PBX1: variants seen among roughly 807,000 people sequenced by gnomAD.
PBX1 encodes PBX homeobox 1.
PBX1 carries 6 observed loss-of-function variants against 53.4 expected under a neutral mutation model. That is an observed-to-expected ratio of 0.11 (90% CI 0.06 to 0.22). The LOEUF is 0.22. PBX1 is among the 10% of genes least tolerant of loss of function. PBX1 has a pLI of 1.00. For missense variants in PBX1, 251 were observed against 551.4 expected (o/e 0.46, Z 5.46); for synonymous variants, 204 against 212.3 (o/e 0.96, Z 0.34).
chr1:164,795,378 C>T (rs992111363), intron 3 of PBX1, among the ~76,000 whole-genome samples: 4 of 152,200 alleles, frequency 2.6e-5, no homozygotes, highest in African/African-American at 9.7e-5. Context: ...AGATTACTGG[C>T]ACCTAAGAGA....
At chr1:164,852,707 A>G (rs1671885438), downstream of PBX1, among the ~76,000 whole-genome samples, 1 of 152,234 alleles carries the variant, frequency 6.6e-6, no homozygotes, top group African/African-American at 2.4e-5. Context: ...TAAATGATAG[A>G]AACTAGATCA....
At chr1:164,594,411 C>T (rs933057061) in intron 2 of PBX1, among the ~76,000 whole-genome samples, 6 of 152,140 alleles carry the variant, frequency 3.9e-5, no homozygotes, top group African/African-American at 1.4e-4. Flanking sequence ...TCTCCTGCCT[C>T]AGCTTACCGA....
intron 3 of PBX1, among the ~76,000 whole-genome samples, chr1:164,798,661 G>A (rs757697349): frequency 2.0e-5 from 3 of 152,182 alleles, no homozygotes; most frequent in Non-Finnish European, 4.4e-5. Flanking sequence ...TAAGGAGGTG[G>A]GGAAATATGA....
chr1:164,816,765 T>G (rs1194870529), intron 6 of PBX1: 3 of 152,112 alleles, frequency 2.0e-5, no homozygotes, highest in Non-Finnish European at 4.4e-5. Context: ...AGAGATCCTA[T>G]TCTAGGTTTA....
chr1:164,750,717 T>C (rs1666165904), intron 2 of PBX1, among the ~76,000 whole-genome samples: 1 of 152,218 alleles, frequency 6.6e-6, no homozygotes, highest in Non-Finnish European at 1.5e-5. Flanking sequence ...CCATTTCTTA[T>C]GTTATATACT....
chr1:164,575,300 A>G (rs557502098), intron 2 of PBX1, among the ~76,000 whole-genome samples: 2 of 152,214 alleles, frequency 1.3e-5, no homozygotes, highest in Non-Finnish European at 2.9e-5. Flanking sequence ...TCTGTTTCCC[A>G]CCTGTCAGTG....
At chr1:164,580,368 T>C (rs1654524501) in intron 2 of PBX1, among the ~76,000 whole-genome samples, 1 of 152,180 alleles carries the variant, frequency 6.6e-6, no homozygotes, top group African/African-American at 2.4e-5. Flanking sequence ...AACCTCCGCC[T>C]CCCGGGTTCA....
chr1:164,689,632 TG>T (rs1385401855), intron 2 of PBX1, among the ~76,000 whole-genome samples: 1 of 152,224 alleles, frequency 6.6e-6, no homozygotes, highest in African/African-American at 2.4e-5. Flanking sequence ...CAGGAAATTC[TG>T]GGGCACATTT....
chr1:164,667,384 C>CAT (rs10669950), intron 2 of PBX1, among the ~76,000 whole-genome samples: 4,981 of 148,106 alleles, frequency 0.034, 120 homozygotes, highest in South Asian at 0.057. Context: ...ATGTATATAA[C>CAT]ATGTATTTTA....
chr1:164,618,367 T>C (rs978792144), intron 2 of PBX1, among the ~76,000 whole-genome samples: 2 of 147,942 alleles, frequency 1.4e-5, no homozygotes, highest in Non-Finnish European at 3.0e-5. Context: ...AAGGGTTTCC[T>C]GGGGAGTGCT....
At position 164,807,691 on chromosome 1, in the gene PBX1, C is replaced by G. The variant is rs756408769; in HGVS notation, c.837+14C>G. The G allele has an allele frequency of 1.6e-4, 253 of 1,613,666 alleles. No individual in the cohort carries two copies. The highest frequency in any genetic ancestry group is 1.9e-4 in the Non-Finnish European group (228 of 1,179,864). On this transcript the variant is annotated intron_variant, in intron 5 of 8. Transcript: ENST00000420696. ...ACAGTCTCCCAGGTAAGCAGCACCT[C>G]AAAAGCCTCAGCCTGTAGCCTGGCC...
At chr1:164,799,119 C>T (rs1266347535) in intron 3 of PBX1, among the ~76,000 whole-genome samples, 1 of 152,088 alleles carries the variant, frequency 6.6e-6, no homozygotes, top group African/African-American at 2.4e-5. Context: ...CATATTCTTA[C>T]ATTTTACTGT....
At chr1:164,567,123 T>C (rs935422571) in intron 2 of PBX1, among the ~76,000 whole-genome samples, 3 of 152,142 alleles carry the variant, frequency 2.0e-5, no homozygotes, top group Non-Finnish European at 2.9e-5. Context: ...ATTATGGGAC[T>C]TCTCCTCTCC....
rs149089072 is a variant in PBX1, at chr1:164,565,914, A to G, written c.265+2603A>G. Among the ~76,000 whole-genome samples, 418 of 152,194 alleles carry G rather than the reference A, an allele frequency of 2.7e-3. 2 individuals are homozygous for G. Among genetic ancestry groups the G allele is most frequent in the Middle Eastern group, 0.01 (3 of 294 alleles). On this transcript the variant is annotated intron_variant, in intron 2 of 8. Transcript: ENST00000420696. The stretch of plus-strand genomic sequence containing the variant: ...TTTTTGAGTTTCCATCTCAAGCATT[A>G]TAATGCTTATAATAATAATAGAGGT...
intron 8 of PBX1, among the ~76,000 whole-genome samples, chr1:164,834,027 A>ATGTGTGTGTGTG (rs1289743111): frequency 4.9e-4 from 39 of 79,268 alleles, no homozygotes; most frequent in Admixed American, 2.0e-3. Context: ...ATATATATGT[A>ATGTGTGTGTGTG]TATGTGTGTG....
chr1:164,875,281 C>T (rs1487071669), intron 2 of PBX1, among the ~76,000 whole-genome samples: 3 of 152,076 alleles, frequency 2.0e-5, no homozygotes, highest in Admixed American at 6.5e-5. Flanking sequence ...AGCCCCAGAA[C>T]AAAAATTACA....
intron 2 of PBX1, among the ~76,000 whole-genome samples, chr1:164,599,614 A>G (rs1241720603): frequency 6.6e-6 from 1 of 152,024 alleles, no homozygotes; most frequent in Non-Finnish European, 1.5e-5. Flanking sequence ...TGGCATGGGG[A>G]TAACTGGGAA....
At chr1:164,732,637 A>G (rs1231091911) in intron 2 of PBX1, among the ~76,000 whole-genome samples, 5 of 152,034 alleles carry the variant, frequency 3.3e-5, no homozygotes, top group Admixed American at 3.3e-4. Flanking sequence ...AACCTAATAC[A>G]CTTTTTTTCT....
At position 164,846,834 on chromosome 1, in the gene PBX1, T is replaced by G; in HGVS notation, c.*158T>G. 6.8e-7 allele frequency: 1 copy of G among 1,472,440 alleles called. No homozygotes were observed. Among genetic ancestry groups the G allele is most frequent in the Non-Finnish European group, 9.0e-7 (1 of 1,114,122 alleles). The allele number at this position is 1,472,440 out of a possible 1,614,324, so 91.2% of individuals were successfully genotyped here. On this transcript the variant is annotated 3_prime_UTR_variant, in exon 9 of 9. Coordinates refer to ENST00000420696, the MANE Select transcript of PBX1 (RefSeq NM_002585.4). ...TCTCTTCTCTTCTTTGGGATGCTAT[T>G]TCAGCCAATCTGGACACTTCTTTAT...
Sources: gnomAD v4.1 joint callset for allele counts (sites outside exome capture counted in the v4.1 genomes callset) on GRCh38, gnomAD v4.1.1 for gene constraint, MANE v1.5 for transcripts, NCBI Gene and HGNC (gene_info 2026-07-23, HGNC 2026-07-21) for gene names.